SH2B2: variants seen among roughly 807,000 people sequenced by gnomAD.
SH2B2 encodes the protein SH2B adaptor protein 2.
In SH2B2, 37 loss-of-function variants were observed where a neutral mutation model predicts 35.7. The ratio of observed to expected loss-of-function variants is 1.04; its 90% CI spans 0.80 to 1.36. The LOEUF (loss-of-function observed/expected upper bound fraction) is 1.36, where lower values mean the gene tolerates loss of function less well. Ranked by LOEUF, SH2B2 falls within the 40% of genes most tolerant of loss-of-function variation. The pLI is 0.00. For synonymous variants in SH2B2, 383 were observed against 376.4 expected (o/e 1.02, Z -0.20); for missense variants, 852 against 817.7 (o/e 1.04, Z -0.51).
chr7:102,300,684 T>G lies in SH2B2; in HGVS notation c.134T>G (p.Phe45Cys). The part of the protein sequence containing the change: ...AVDFAHKFCR[F>C]LRDNPAYDTP... ...GACTTTGCGCACAAGTTCTGCCGTTTCCTGCGGGACAACCCAGCTTACGAC... is the reference window on the plus strand; with the variant it reads ...GACTTTGCGCACAAGTTCTGCCGTTGCCTGCGGGACAACCCAGCTTACGAC... Residue 45 changes from phenylalanine (F) to cysteine (C), a missense_variant, in exon 2 of 9, where the codon TTC becomes TGC. Coordinates refer to ENST00000444095, the MANE Select transcript of SH2B2 (RefSeq NM_001359228.2). The G allele has an allele frequency of 6.5e-7, 1 of 1,547,186 alleles. No homozygotes were observed. Among genetic ancestry groups the G allele is most frequent in the Non-Finnish European group, 8.7e-7 (1 of 1,143,916 alleles).
At chr7:102,310,858 G>A (rs1031852824) in intron 4 of SH2B2, among the ~76,000 whole-genome samples, 5 of 152,000 alleles carry the variant, frequency 3.3e-5, no homozygotes, top group African/African-American at 9.7e-5. Context: ...GTCACAAATC[G>A]GGAGAGAAAC....
chr7:102,289,868 T>G (rs1303894912), intron 1 of SH2B2, among the ~76,000 whole-genome samples: 2 of 151,248 alleles, frequency 1.3e-5, no homozygotes, highest in Admixed American at 6.6e-5. Context: ...AAAGGCAGGG[T>G]GGGGTGGGAG....
At position 102,300,631 on chromosome 7, in the gene SH2B2, C is replaced by A; in HGVS notation, c.81C>A (p.Cys27Ter). The A allele has an allele frequency of 1.3e-6, 2 of 1,550,512 alleles. No individual in the cohort carries two copies. The highest frequency in any genetic ancestry group is 1.7e-6 in the Non-Finnish European group (2 of 1,146,016). ...CGGTCCCGGACTGGCGGCAGTTCTGCGAGCTGCATGCGCAGGCGGCCGCCG... is the reference window on the plus strand; with the variant it reads ...CGGTCCCGGACTGGCGGCAGTTCTGAGAGCTGCATGCGCAGGCGGCCGCCG... Reference protein sequence around the residue: ...PVPVPDWRQFCELHAQAAAVD... With the variant: ...PVPVPDWRQF Residue 27 changes from cysteine (C) to a stop codon, truncating the protein, a stop_gained, in exon 2 of 9, where the codon TGC becomes TGA. Transcript: ENST00000444095. LOFTEE classifies it high-confidence loss of function.
chr7:102,312,200 C>T lies in SH2B2; in HGVS notation c.924-2136C>T, dbSNP rs550105018. Reference sequence around the variant, plus strand: ...CAGCTTGGCCAACATGGTGAAACCTCATCTCTACTAAAAATACAAAAATTA... The same window carrying T: ...CAGCTTGGCCAACATGGTGAAACCTTATCTCTACTAAAAATACAAAAATTA... On this transcript the variant is annotated intron_variant, in intron 4 of 8. Coordinates refer to ENST00000444095, the MANE Select transcript of SH2B2 (RefSeq NM_001359228.2). Among the ~76,000 whole-genome samples, 6 of 152,054 alleles carry T rather than the reference C, an allele frequency of 3.9e-5. No homozygotes were observed. In the East Asian group the frequency reaches 1.2e-3, roughly 29 times the overall value.
intron 2 of SH2B2, among the ~76,000 whole-genome samples, chr7:102,301,711 T>C (rs1008037348): frequency 6.6e-5 from 10 of 151,720 alleles, no homozygotes; most frequent in Non-Finnish European, 1.3e-4. Flanking sequence ...AGCTGGGATT[T>C]ACAGGCACCC....
At chr7:102,298,986 TGTC>T (rs1554553007) in intron 1 of SH2B2, among the ~76,000 whole-genome samples, 1 of 145,140 alleles carries the variant, frequency 6.9e-6, no homozygotes. Context: ...AGTGGCGCGA[TGTC>T]GGCTCACTGC....
At chr7:102,314,927 G>T (rs985125600) in intron 6 of SH2B2, among the ~76,000 whole-genome samples, 1 of 151,148 alleles carries the variant, frequency 6.6e-6, no homozygotes, top group African/African-American at 2.4e-5. Flanking sequence ...GGTGGCTCAC[G>T]CCTGTAATCC....
chr7:102,287,542 G>A (rs1245665650), intron 1 of SH2B2, among the ~76,000 whole-genome samples: 1 of 152,198 alleles, frequency 6.6e-6, no homozygotes, highest in Admixed American at 6.5e-5. Context: ...GGATCGGGGA[G>A]GACCTCCTCC....
At chr7:102,311,346 G>C (rs2974966) in intron 4 of SH2B2, among the ~76,000 whole-genome samples, 102,825 of 151,358 alleles carry the variant, frequency 0.68, 35,198 homozygotes, top group African/African-American at 0.78. Context: ...CCTCCACCTC[G>C]CAGGTTCAAG....
At position 102,300,585 on chromosome 7, in the gene SH2B2, C is replaced by CCCCGGTCCCAGT. The variant is rs535281921; in HGVS notation, c.45_56dup (p.Val18_Pro21dup). 6.5e-6 allele frequency: 10 copies of CCCCGGTCCCAGT among 1,550,210 alleles called. No individual in the cohort carries two copies. In the Admixed American group the frequency reaches 9.9e-5, roughly 15 times the overall value. On this transcript the variant is annotated inframe_insertion, in exon 2 of 9. Transcript: ENST00000444095. Reference sequence around the variant, plus strand: ...GCCGGCCCTGGCCCCGCCGCAGCCGCCCCGGTCCCAGTCCCGGTCCCGGTC... The same window carrying CCCCGGTCCCAGT: ...GCCGGCCCTGGCCCCGCCGCAGCCGCCCCGGTCCCAGTCCCGGTCCCAGTCCCGGTCCCGGTC...
chr7:102,321,485 C>A lies in SH2B2; in HGVS notation c.1754C>A (p.Pro585His). The stretch of plus-strand genomic sequence containing the variant: ...GCGTCGGGGCCCGCCCCCCCGCGCC[C>A]CGTCGAGGGCCAGCTCAGCGCGCGG... ...SAASGPAPPR[P>H]VEGQLSARSR... The change falls in exon 9 of 9, where the codon CCC becomes CAC. Residue 585 changes from proline (P) to histidine (H), a missense_variant. Physicochemically the swap from Pro to His is moderately conservative, Grantham distance 77. This residue lies in a region of SH2B2 where 556 missense variants were observed against 514.5 expected (regional missense o/e 1.08). Coordinates refer to ENST00000444095, the MANE Select transcript of SH2B2 (RefSeq NM_001359228.2). The A allele has an allele frequency of 8.5e-7, 1 of 1,175,354 alleles. No homozygotes were observed. Among genetic ancestry groups the A allele is most frequent in the South Asian group, 3.4e-5 (1 of 29,544 alleles). The allele number at this position is 1,175,354 out of a possible 1,614,324, so 72.8% of individuals were successfully genotyped here.
At chr7:102,307,085 G>A (rs1370706795) in intron 3 of SH2B2, among the ~76,000 whole-genome samples, 1 of 152,242 alleles carries the variant, frequency 6.6e-6, no homozygotes, top group Non-Finnish European at 1.5e-5. Flanking sequence ...GGGCCTGGGC[G>A]AAGCTCATCA....
intron 2 of SH2B2, among the ~76,000 whole-genome samples, chr7:102,305,725 G>C (rs1793364665): frequency 6.6e-6 from 1 of 152,012 alleles, no homozygotes; most frequent in Admixed American, 6.6e-5. Flanking sequence ...TCTCACAATG[G>C]GTCAAGGTCA....
rs1792956582 is a variant in SH2B2 at position 102,297,314 on chromosome 7, C to G, written c.-29-3208C>G. Reference sequence around the variant, plus strand: ...GTGGCTCGTGCCTGTAATTTCAGCACTTTGGGAGGCCAAGGCCAGAGGATT... The same window carrying G: ...GTGGCTCGTGCCTGTAATTTCAGCAGTTTGGGAGGCCAAGGCCAGAGGATT... On this transcript the variant is annotated intron_variant, in intron 1 of 8. Coordinates refer to ENST00000444095, the MANE Select transcript of SH2B2 (RefSeq NM_001359228.2). The surrounding 1 kb of genome is among the most constrained non-coding windows in gnomAD (Gnocchi z 4.3). Among the ~76,000 whole-genome samples, 1 of 151,898 alleles carries G rather than the reference C, an allele frequency of 6.6e-6. No homozygotes were observed. The highest frequency in any genetic ancestry group is 6.6e-5 in the Admixed American group (1 of 15,212).
rs189154913 is a variant in SH2B2 at position 102,317,349 on chromosome 7, G to A, written c.1349G>A (p.Arg450Gln). ...TTCGTGATCCGCCAAAGTGAGACTC[G>A]GCCTGGGGAGTACGTGCTGACCTTC... is the stretch of plus-strand genomic sequence containing the variant. Reference protein sequence around the residue: ...GLFVIRQSETRPGEYVLTFNF... With the variant: ...GLFVIRQSETQPGEYVLTFNF... The change falls in exon 7 of 9, where the codon CGG becomes CAG. Residue 450 changes from arginine (R) to glutamine (Q), a missense_variant. This residue lies in a region of SH2B2 where 556 missense variants were observed against 514.5 expected (regional missense o/e 1.08). Transcript: ENST00000444095. 223 of 1,607,866 alleles carry A rather than the reference G, an allele frequency of 1.4e-4. No homozygotes were observed. The highest frequency in any genetic ancestry group is 1.0e-3 in the South Asian group (92 of 90,666).
rs782061221 is a variant in SH2B2 at position 102,308,838 on chromosome 7, C to T, written c.855C>T (p.Ile285=). 9.3e-6 allele frequency: 15 copies of T among 1,613,720 alleles called. 1 individual carries two copies. The highest frequency in any genetic ancestry group is 1.6e-4 in the Middle Eastern group (1 of 6,062). Residue 285 remains isoleucine, a synonymous_variant, in exon 4 of 9, where the codon ATC becomes ATT. Coordinates refer to ENST00000444095, the MANE Select transcript of SH2B2 (RefSeq NM_001359228.2). The part of the protein sequence containing the change: ...VLKVENGAEY[I]LETIDSLQKH... ...AGGTAGAGAATGGAGCCGAATACAT[C>T]TTGGAGACCATCGACTCTCTGCAGA... is the stretch of plus-strand genomic sequence containing the variant.
In SH2B2 at chr7:102,295,904, A is replaced by G. The variant is rs563953047; in HGVS notation, c.-29-4618A>G. ...CTCTAACCACCACCACCACTACCCAACTGCCAATGTCCTGATAAGTCCTGC... is the reference window on the plus strand; with the variant it reads ...CTCTAACCACCACCACCACTACCCAGCTGCCAATGTCCTGATAAGTCCTGC... On this transcript the variant is annotated intron_variant, in intron 1 of 8. Coordinates refer to ENST00000444095, the MANE Select transcript of SH2B2 (RefSeq NM_001359228.2). 1.1e-3 allele frequency among the ~76,000 whole-genome samples: 172 copies of G among 152,146 alleles called. 2 individuals carry two copies. Among genetic ancestry groups the G allele is most frequent in the South Asian group, 1.0e-2 (48 of 4,806 alleles).
At position 102,299,435 on chromosome 7, in the gene SH2B2, G is replaced by A. The variant is rs556109147; in HGVS notation, c.-29-1087G>A. On this transcript the variant is annotated intron_variant, in intron 1 of 8. Coordinates refer to ENST00000444095, the MANE Select transcript of SH2B2 (RefSeq NM_001359228.2). ...GATGGTCTCAATCTCTTGACCTCCTGATCCACCCGCCTCGGCCTCCCAAAG... is the reference window on the plus strand; with the variant it reads ...GATGGTCTCAATCTCTTGACCTCCTAATCCACCCGCCTCGGCCTCCCAAAG... Among the ~76,000 whole-genome samples the A allele has an allele frequency of 2.1e-3, 321 of 151,094 alleles. 1 individual carries two copies. Among genetic ancestry groups the A allele is most frequent in the Middle Eastern group, 7.0e-3 (2 of 286 alleles).
rs1203599731 is a variant in SH2B2, at chr7:102,297,581, A to T, written c.-29-2941A>T. The stretch of plus-strand genomic sequence containing the variant: ...GGAGTCACTGCAGACCTGGGCGAGA[A>T]CCCTGGACCTGTCTTGTCACTAACA... On this transcript the variant is annotated intron_variant, in intron 1 of 8. Transcript: ENST00000444095. This position sits in a 1 kb window ranked among gnomAD's most constrained non-coding sequence, Gnocchi z 4.3. Among the ~76,000 whole-genome samples, 1 of 152,172 alleles carries T rather than the reference A, an allele frequency of 6.6e-6. No homozygotes were observed. The highest frequency in any genetic ancestry group is 1.5e-5 in the Non-Finnish European group (1 of 68,034).
Sources: allele counts gnomAD v4.1 joint callset (sites outside exome capture counted in the v4.1 genomes callset), GRCh38; gene constraint gnomAD v4.1.1; regional missense constraint gnomAD v4.1.1; non-coding constraint Gnocchi (gnomAD v3.1); transcripts MANE v1.5; gene names NCBI Gene and HGNC (gene_info 2026-07-23, HGNC 2026-07-21).